Variants in RALYL observed in about 807,000 individuals in gnomAD.
RALYL encodes the protein RNA-binding Raly-like protein.
RALYL carries 29 observed loss-of-function variants against 35.1 expected under a neutral mutation model. The observed-to-expected ratio is 0.83, with a 90% CI of 0.61 to 1.13. The LOEUF is 1.13. Ranked by LOEUF, RALYL falls within the 50% of genes most tolerant of loss-of-function variation. RALYL has a pLI of 0.00. For missense variants in RALYL, 359 were observed against 360.4 expected (o/e 1.00, Z 0.03); for synonymous variants, 120 against 127.6 (o/e 0.94, Z 0.40).
At chr8:84,774,514 TG>T in intron 2 of RALYL, 64 bp from the exon 3 acceptor site, 2 of 1,027,572 alleles carry the variant, frequency 1.9e-6, no homozygotes, top group Non-Finnish European at 2.9e-6. Flanking sequence ...TAAAAGTTCA[TG>T]ATTTACTTTT....
At chr8:84,668,194 C>G (rs1375545657) in intron 2 of RALYL, among the ~76,000 whole-genome samples, 1 of 152,054 alleles carries the variant, frequency 6.6e-6, no homozygotes, top group Non-Finnish European at 1.5e-5. Flanking sequence ...TGAATAGTCA[C>G]TATGCTAGCT....
intron 8 of RALYL, among the ~76,000 whole-genome samples, chr8:84,910,287 T>C (rs974014975): frequency 2.6e-5 from 4 of 152,106 alleles, no homozygotes; most frequent in Non-Finnish European, 4.4e-5. Flanking sequence ...TTTTTTCAAA[T>C]GAAAACTGGA....
intron 2 of RALYL, among the ~76,000 whole-genome samples, chr8:84,692,574 T>C (rs1240638190): frequency 6.6e-6 from 1 of 152,088 alleles, no homozygotes; most frequent in Admixed American, 6.6e-5. Flanking sequence ...TTTAGTGAAA[T>C]ATCTATTTCT....
chr8:84,514,326 T>C (rs1045210065), intron 1 of RALYL, among the ~76,000 whole-genome samples: 3 of 152,124 alleles, frequency 2.0e-5, no homozygotes, highest in Admixed American at 1.3e-4. Context: ...TGGTCTCCAA[T>C]ATGTTTAAAA....
chr8:84,904,812 T>A (rs1294386632), intron 8 of RALYL, among the ~76,000 whole-genome samples: 2 of 152,130 alleles, frequency 1.3e-5, no homozygotes, highest in East Asian at 3.9e-4. Flanking sequence ...ACTTTTTTTT[T>A]ATTCCCTTTC....
intron 1 of RALYL, among the ~76,000 whole-genome samples, chr8:84,207,737 C>T (rs1189807664): frequency 6.6e-6 from 1 of 151,750 alleles, no homozygotes; most frequent in African/African-American, 2.4e-5. Flanking sequence ...CCCCCACCCC[C>T]CAGGAAACTG....
At chr8:84,874,855 G>T (rs965036778) in intron 7 of RALYL, among the ~76,000 whole-genome samples, 1 of 152,114 alleles carries the variant, frequency 6.6e-6, no homozygotes, top group Non-Finnish European at 1.5e-5. Flanking sequence ...TATAATAATT[G>T]GAGTTATCAA....
chr8:84,559,486 C>A (rs1001504355), intron 2 of RALYL, among the ~76,000 whole-genome samples: 3 of 151,942 alleles, frequency 2.0e-5, no homozygotes, highest in African/African-American at 7.2e-5. Flanking sequence ...GTAACCCATT[C>A]AGTGTCTGGA....
chr8:84,451,208 A>G (rs1470704099), intron 1 of RALYL, among the ~76,000 whole-genome samples: 2 of 151,926 alleles, frequency 1.3e-5, no homozygotes, highest in African/African-American at 4.8e-5. Flanking sequence ...TTCCAACTAT[A>G]TTTCTGGGTT....
At chr8:84,436,543 G>GTTGTGTTTTTTTTTTTTT in intron 1 of RALYL, among the ~76,000 whole-genome samples, 1 of 62,406 alleles carries the variant, frequency 1.6e-5, no homozygotes, top group Admixed American at 1.8e-4. Flanking sequence ...AATCATGGGA[G>GTTGTGTTTTTTTTTTTTT]TTTTTTTTTT....
At chr8:84,449,070 G>GTTTTTT (rs1215015705) in intron 1 of RALYL, among the ~76,000 whole-genome samples, 2 of 134,880 alleles carry the variant, frequency 1.5e-5, no homozygotes, top group African/African-American at 2.8e-5. Flanking sequence ...TTAGCTGTTA[G>GTTTTTT]TTTTTTTGTT....
At chr8:84,500,430 G>C (rs182496891) in intron 1 of RALYL, among the ~76,000 whole-genome samples, 1 of 152,058 alleles carries the variant, frequency 6.6e-6, no homozygotes, top group Admixed American at 6.6e-5. Context: ...AAGACCTTAC[G>C]CAGTAGCTCT....
At chr8:84,469,615 A>C (rs1312412953) in intron 1 of RALYL, among the ~76,000 whole-genome samples, 2 of 152,196 alleles carry the variant, frequency 1.3e-5, no homozygotes, top group Non-Finnish European at 2.9e-5. Context: ...CTGCCCCCAG[A>C]GGTGGAGCCT....
chr8:84,210,714 T>G (rs1001216518), intron 1 of RALYL, among the ~76,000 whole-genome samples: 3 of 152,262 alleles, frequency 2.0e-5, no homozygotes, highest in Admixed American at 2.0e-4. Flanking sequence ...TGCTGAACAT[T>G]TTTTATTATA....
intron 1 of RALYL, among the ~76,000 whole-genome samples, chr8:84,427,407 G>A (rs895917937): frequency 1.6e-4 from 25 of 152,162 alleles, no homozygotes; most frequent in African/African-American, 4.1e-4. Flanking sequence ...TACATCCTAC[G>A]GAGTTAGATT....
At chr8:84,455,664 G>T (rs538061262) in intron 1 of RALYL, among the ~76,000 whole-genome samples, 1 of 151,930 alleles carries the variant, frequency 6.6e-6, no homozygotes, top group Non-Finnish European at 1.5e-5. Context: ...AATGGGCAAA[G>T]CTCTCTTACA....
At chr8:84,214,433 A>C (rs1249770665) in intron 1 of RALYL, among the ~76,000 whole-genome samples, 1 of 152,102 alleles carries the variant, frequency 6.6e-6, no homozygotes, top group African/African-American at 2.4e-5. Flanking sequence ...AGAATATATA[A>C]TATTTGCATA....
intron 1 of RALYL, among the ~76,000 whole-genome samples, chr8:84,303,316 A>G (rs1376585121): frequency 6.6e-6 from 1 of 152,214 alleles, no homozygotes; most frequent in Non-Finnish European, 1.5e-5. Context: ...TTAAAAATAA[A>G]TTGATGTGAG....
At chr8:84,463,996 C>A (rs1270533258) in intron 1 of RALYL, among the ~76,000 whole-genome samples, 2 of 151,970 alleles carry the variant, frequency 1.3e-5, no homozygotes, top group Non-Finnish European at 2.9e-5. Flanking sequence ...GTGTGGCTTC[C>A]TTCACTTGTC....
Sources: allele counts gnomAD v4.1 joint callset (sites outside exome capture counted in the v4.1 genomes callset), GRCh38; gene constraint gnomAD v4.1.1; transcripts MANE v1.5; gene names NCBI Gene and HGNC (gene_info 2026-07-23, HGNC 2026-07-21).